GPR21: variants seen among roughly 807,000 people sequenced by gnomAD.
The protein encoded by GPR21 is G protein-coupled receptor 21, also known as probable G protein-coupled receptor 21.
Under a neutral mutation model 21.5 loss-of-function variants are expected in GPR21, and 9 were observed. That is an observed-to-expected ratio of 0.42 (90% CI 0.25 to 0.73). The LOEUF is 0.73. Ranked by LOEUF, GPR21 falls within the 30% of genes least tolerant of loss-of-function variation. The probability of loss-of-function intolerance (pLI) is 0.27; values close to 1 mark genes in which losing one functional copy is unlikely to be tolerated. For missense variants in GPR21, 416 were observed against 428.9 expected (o/e 0.97, Z 0.27); for synonymous variants, 169 against 159.3 (o/e 1.06, Z -0.46).
At chr9:123,041,256 AG>A in the GPR21 span, among the ~76,000 whole-genome samples, 1 of 152,232 alleles carries the variant, frequency 6.6e-6, no homozygotes, top group Non-Finnish European at 1.5e-5. Context: ...ACAGCTTATA[AG>A]TGGAAGATCT....
chr9:123,043,672 A>T, the GPR21 span, among the ~76,000 whole-genome samples: 1 of 152,066 alleles, frequency 6.6e-6, no homozygotes, highest in Non-Finnish European at 1.5e-5. Flanking sequence ...ACAGAGCTAC[A>T]GTAGCATCTT....
At position 123,035,300 on chromosome 9, in the gene GPR21, G is replaced by A. The variant is rs1170910916; in HGVS notation, c.734G>A (p.Cys245Tyr). The change falls in exon 2 of 2, where the codon TGT becomes TAT. Residue 245 changes from cysteine (C) to tyrosine (Y), a missense_variant. Physicochemically the swap from Cys to Tyr is radical, Grantham distance 194. Coordinates refer to ENST00000616002, the MANE Select transcript of GPR21 (RefSeq NM_005294.3). ...GGGGAGACTGGGGAAGTGCAGGCCTGTCCTGATAAGCGCTATGCCATGGTC... is the reference window on the plus strand; with the variant it reads ...GGGGAGACTGGGGAAGTGCAGGCCTATCCTGATAAGCGCTATGCCATGGTC... ...QSGETGEVQA[C>Y]PDKRYAMVLF... 3 of 1,614,044 alleles carry A rather than the reference G, an allele frequency of 1.9e-6. No homozygotes were observed. The African/African-American group carries it at 4.0e-5, about 22-fold the overall frequency.
the GPR21 span, among the ~76,000 whole-genome samples, chr9:123,044,798 G>T: frequency 6.6e-6 from 1 of 152,176 alleles, no homozygotes; most frequent in African/African-American, 2.4e-5. Flanking sequence ...AGAAGGCAGT[G>T]TGAGAGATGG....
the GPR21 span, among the ~76,000 whole-genome samples, chr9:123,048,391 T>C: frequency 6.6e-6 from 1 of 152,230 alleles, no homozygotes; most frequent in Non-Finnish European, 1.5e-5. Context: ...ATCCATTGAT[T>C]CGATTATTTA....
Position 123,035,413 on chromosome 9 carries a change from C to G in GPR21, c.847C>G (p.Arg283Gly). 6.2e-7 allele frequency: 1 copy of G among 1,614,186 alleles called. No individual in the cohort carries two copies. Among genetic ancestry groups the G allele is most frequent in the Non-Finnish European group, 8.5e-7 (1 of 1,180,022 alleles). ...LLESSTGHSN[R>G]FASFLTTWLA... is the part of the protein sequence containing the mutation. ...GGAAAGCTCCACTGGCCACAGCAAC[C>G]GCTTCGCATCCTTCTTGACCACCTG... Residue 283 changes from arginine (R) to glycine (G), a missense_variant, in exon 2 of 2, where the codon CGC (arginine) becomes GGC (glycine). By Grantham distance (125) the Arg-to-Gly change is moderately radical (BLOSUM62 -2). Transcript: ENST00000616002.
chr9:123,035,699 A>G (rs1197511186), downstream of GPR21: 1 of 851,102 alleles, frequency 1.2e-6, no homozygotes, highest in Non-Finnish European at 1.8e-6. Context: ...ATCTCTAAGT[A>G]TTCCTAATTC....
chr9:123,047,961 G>T, the GPR21 span, among the ~76,000 whole-genome samples: 1 of 85,152 alleles, frequency 1.2e-5, no homozygotes, highest in East Asian at 3.1e-4. Context: ...TTTTTGAGAC[G>T]GAGTCTTGCT....
chr9:123,048,564 C>A, the GPR21 span, among the ~76,000 whole-genome samples: 291 of 152,202 alleles, frequency 1.9e-3, no homozygotes, highest in African/African-American at 6.2e-3. Flanking sequence ...TTAAGCTGTA[C>A]TAAGAGAGCA....
At chr9:123,036,916 T>C (rs1187578553), downstream of GPR21, among the ~76,000 whole-genome samples, 22 of 152,066 alleles carry the variant, frequency 1.4e-4, no homozygotes, top group African/African-American at 4.8e-5. Context: ...TATGTAGTAG[T>C]GATGTTTGTT....
the GPR21 span, among the ~76,000 whole-genome samples, chr9:123,046,007 A>G: frequency 6.6e-6 from 1 of 152,194 alleles, no homozygotes; most frequent in African/African-American, 2.4e-5. Flanking sequence ...CATCAGAGGA[A>G]AGGCCTTGGG....
At chr9:123,045,094 T>A in the GPR21 span, among the ~76,000 whole-genome samples, 1 of 152,368 alleles carries the variant, frequency 6.6e-6, no homozygotes, top group East Asian at 1.9e-4. Flanking sequence ...GAATTAGCTT[T>A]GAGCAAAATA....
rs2032480979 is a variant in GPR21, at chr9:123,034,271, T to TC, written c.-292dup. 2.4e-6 allele frequency: 1 copy of TC among 424,830 alleles called. No homozygotes were observed. The highest frequency in any genetic ancestry group is 6.3e-5 in the South Asian group (1 of 15,816). The allele number at this position is 424,830 out of a possible 1,614,324, so 26.3% of individuals were successfully genotyped here. ...ACCCTCACTTGGCCTGAAGACGTTC[T>TC]CCCCAGAGTTTACCTTGCTCCCCTG... On this transcript the variant is annotated 5_prime_UTR_variant, in exon 2 of 2. Coordinates refer to ENST00000616002, the MANE Select transcript of GPR21 (RefSeq NM_005294.3).
chr9:123,035,726 C>A, downstream of GPR21: 1 of 708,156 alleles, frequency 1.4e-6, no homozygotes, highest in Non-Finnish European at 2.3e-6. Context: ...AAATCTGGGA[C>A]AGAATACTTT....
At chr9:123,048,467 G>T in the GPR21 span, among the ~76,000 whole-genome samples, 1 of 152,136 alleles carries the variant, frequency 6.6e-6, no homozygotes, top group African/African-American at 2.4e-5. Flanking sequence ...GTTATTAGTA[G>T]GTGATTTTGA....
At position 123,034,627 on chromosome 9, in the gene GPR21, T is replaced by C; in HGVS notation, c.61T>C (p.Tyr21His). The C allele has an allele frequency of 6.2e-7, 1 of 1,613,930 alleles. No homozygotes were observed. Among genetic ancestry groups the C allele is most frequent in the Non-Finnish European group, 8.5e-7 (1 of 1,179,818 alleles). ...CCCTTTTTGCCTCTTGGCATTTGGC[T>C]ATTTGGAAACTGTCAATTTTTGCCT... ...SHPFCLLAFG[Y>H]LETVNFCLLE... is the part of the protein sequence containing the mutation. The change falls in exon 2 of 2, where the codon TAT becomes CAT. Residue 21 changes from tyrosine to histidine, a missense_variant. Tyr to His is a moderately conservative substitution (Grantham distance 83). Transcript: ENST00000616002.
downstream of GPR21, among the ~76,000 whole-genome samples, chr9:123,037,650 G>A (rs1210961597): frequency 6.6e-6 from 1 of 152,108 alleles, no homozygotes; most frequent in Non-Finnish European, 1.5e-5. Context: ...TTTTAGTTTA[G>A]AAAATATGGC....
At chr9:123,036,853 A>G (rs1351669156), downstream of GPR21, among the ~76,000 whole-genome samples, 2 of 151,710 alleles carry the variant, frequency 1.3e-5, no homozygotes, top group South Asian at 2.1e-4. Context: ...AGAAAAACCT[A>G]TAGGATTTTA....
rs138416309 is a variant in GPR21, at chr9:123,034,267, G to A, written c.-300G>A. 3.3e-4 allele frequency: 134 copies of A among 411,414 alleles called. No individual in the cohort carries two copies. The East Asian group carries it at 4.8e-3, about 15-fold the overall frequency. 25.5% of individuals were successfully genotyped at this position (411,414 alleles called of 1,614,324 possible). ...CCCTACCCTCACTTGGCCTGAAGAC[G>A]TTCTCCCCAGAGTTTACCTTGCTCC... On this transcript the variant is annotated 5_prime_UTR_variant, in exon 2 of 2. Transcript: ENST00000616002.
At chr9:123,035,771 G>A, downstream of GPR21, 1 of 541,204 alleles carries the variant, frequency 1.8e-6, no homozygotes, top group Non-Finnish European at 3.2e-6. Context: ...TATTCGTATG[G>A]ATACCTTCTA....
Sources: allele counts gnomAD v4.1 joint callset (sites outside exome capture counted in the v4.1 genomes callset), GRCh38; gene constraint gnomAD v4.1.1; transcripts MANE v1.5; gene names NCBI Gene and HGNC (gene_info 2026-07-23, HGNC 2026-07-21).